PBX4: variants seen among roughly 807,000 people sequenced by gnomAD.
PBX4 encodes the protein pre-B-cell leukemia transcription factor 4.
PBX4 carries 26 observed loss-of-function variants against 35.1 expected under a neutral mutation model. That is an observed-to-expected ratio of 0.74 (90% CI 0.54 to 1.03). The LOEUF (loss-of-function observed/expected upper bound fraction) is 1.03. PBX4 is among the 50% of genes least tolerant of loss of function. PBX4 has a pLI of 0.00. For missense variants in PBX4, 448 were observed against 504.3 expected (o/e 0.89, Z 1.07); for synonymous variants, 199 against 204.2 (o/e 0.97, Z 0.22).
At chr19:19,609,828 GC>G (rs2061653403) in intron 1 of PBX4, among the ~76,000 whole-genome samples, 1 of 152,144 alleles carries the variant, frequency 6.6e-6, no homozygotes, top group East Asian at 1.9e-4. Flanking sequence ...TCCAGCCTGG[GC>G]GACACAGCGA....
chr19:19,594,729 CT>C (rs958881028), intron 2 of PBX4, among the ~76,000 whole-genome samples: 53 of 146,804 alleles, frequency 3.6e-4, no homozygotes, highest in South Asian at 4.3e-4. Context: ...GATTAAAGTA[CT>C]TTTTTTTTTT....
Position 19,618,623 on chromosome 19 carries a change from C to T in PBX4, c.7G>A (p.Ala3Thr). 8.1e-7 allele frequency: 1 copy of T among 1,239,296 alleles called. No individual in the cohort carries two copies. Among genetic ancestry groups the T allele is most frequent in the Non-Finnish European group, 1.0e-6 (1 of 989,668 alleles). 76.8% of individuals were successfully genotyped at this position (1,239,296 alleles called of 1,614,324 possible). MA[A>T]PPRPAPSPPA... is the part of the protein sequence containing the mutation. ...GGCGATGGCGCGGGGCGCGGCGGGG[C>T]GGCCATGAGCGGCAGGGCCGGGCGG... Residue 3 changes from alanine to threonine, a missense_variant, in exon 1 of 8, where the codon GCC (alanine) becomes ACC (threonine). Ala to Thr is a moderately conservative substitution (Grantham distance 58). Coordinates refer to ENST00000251203, the MANE Select transcript of PBX4 (RefSeq NM_025245.3).
chr19:19,589,863 C>A (rs1188163232), intron 2 of PBX4, among the ~76,000 whole-genome samples: 1 of 152,160 alleles, frequency 6.6e-6, no homozygotes, highest in Non-Finnish European at 1.5e-5. Context: ...TTTCTTGATG[C>A]TGGTCTTCCA....
intron 5 of PBX4, 124 bp downstream of exon 5, chr19:19,569,325 G>T: frequency 7.7e-7 from 1 of 1,296,432 alleles, no homozygotes; most frequent in Non-Finnish European, 1.0e-6. Flanking sequence ...CTCCCAAAGT[G>T]CTGGGATTCC....
At chr19:19,605,169 G>C (rs1311474903) in intron 1 of PBX4, among the ~76,000 whole-genome samples, 1 of 151,224 alleles carries the variant, frequency 6.6e-6, no homozygotes, top group Non-Finnish European at 1.5e-5. Context: ...TGGAATCCCA[G>C]CACTTTGAGA....
At chr19:19,617,568 G>C (rs1223664756) in intron 1 of PBX4, among the ~76,000 whole-genome samples, 1 of 152,098 alleles carries the variant, frequency 6.6e-6, no homozygotes, top group East Asian at 1.9e-4. Flanking sequence ...AGAGATGTGA[G>C]CCACTCCACC....
intron 2 of PBX4, among the ~76,000 whole-genome samples, chr19:19,571,134 G>A (rs1379780597): frequency 6.6e-6 from 1 of 152,214 alleles, no homozygotes; most frequent in Non-Finnish European, 1.5e-5. Flanking sequence ...GGGCCAGGCA[G>A]GCGCCTGTTG....
intron 3 of PBX4, 142 bp from the exon 4 acceptor site, chr19:19,570,441 T>C: frequency 2.1e-6 from 3 of 1,437,258 alleles, no homozygotes; most frequent in Non-Finnish European, 2.8e-6. Flanking sequence ...GGAAAGGGCT[T>C]TCAGTAACAA....
At chr19:19,571,610 C>T (rs565668006) in intron 2 of PBX4, among the ~76,000 whole-genome samples, 16 of 152,214 alleles carry the variant, frequency 1.1e-4, no homozygotes, top group South Asian at 2.1e-4. Context: ...TCCTGGGACA[C>T]GGGTGTCAGA....
intron 1 of PBX4, among the ~76,000 whole-genome samples, chr19:19,615,187 A>T (rs1024391598): frequency 1.3e-5 from 2 of 150,552 alleles, no homozygotes; most frequent in African/African-American, 4.9e-5. Context: ...AAAAAAAAAA[A>T]AAAAGAAAGA....
chr19:19,570,501 C>T (rs1398210952), intron 3 of PBX4, 85 bp downstream of exon 3: 7 of 1,562,458 alleles, frequency 4.5e-6, no homozygotes, highest in Non-Finnish European at 5.2e-6. Context: ...TTCTGCGCCA[C>T]GAAAGAAAGG....
intron 2 of PBX4, among the ~76,000 whole-genome samples, chr19:19,594,176 C>T (rs929960179): frequency 2.4e-4 from 37 of 151,512 alleles, no homozygotes; most frequent in African/African-American, 8.0e-4. Flanking sequence ...GAGGCCGAGG[C>T]GGGCGGATCA....
At chr19:19,611,678 C>CA (rs1344348105) in intron 1 of PBX4, among the ~76,000 whole-genome samples, 2,846 of 53,318 alleles carry the variant, frequency 0.053, 59 homozygotes, top group South Asian at 0.15. Flanking sequence ...GATTCTGTCT[C>CA]AAAAAAAAAA....
Position 19,563,810 on chromosome 19 carries a change from T to C in PBX4, c.926-195A>G. 1.9e-6 allele frequency: 1 copy of C among 538,286 alleles called. No individual in the cohort carries two copies. The highest frequency in any genetic ancestry group is 3.4e-6 in the Non-Finnish European group (1 of 298,256). The allele number at this position is 538,286 out of a possible 1,614,324, so 33.3% of individuals were successfully genotyped here. A position where few individuals can be genotyped will look rare whatever the true frequency, so the allele number is the denominator to read the frequency against. On this transcript the variant is annotated intron_variant, in intron 6 of 7. Transcript: ENST00000251203. This position sits in a 1 kb window ranked among gnomAD's most constrained non-coding sequence, Gnocchi z 5.1. ...ACTACTCATGTCCCCTCATGGCTTG[T>C]CTTTTTTTTTTCTTTTTAAGACAGT... is the stretch of plus-strand genomic sequence containing the variant.
chr19:19,601,257 T>C (rs985911131), intron 1 of PBX4, among the ~76,000 whole-genome samples: 2 of 152,192 alleles, frequency 1.3e-5, no homozygotes, highest in Non-Finnish European at 2.9e-5. Context: ...AGGTATGGTT[T>C]AGGCAGAAGA....
In PBX4 at chr19:19,562,837, T is replaced by G. The variant is rs2061316324; in HGVS notation, c.1032+672A>C. On this transcript the variant is annotated intron_variant, in intron 7 of 7. Coordinates refer to ENST00000251203, the MANE Select transcript of PBX4 (RefSeq NM_025245.3). This position sits in a 1 kb window ranked among gnomAD's most constrained non-coding sequence, Gnocchi z 4.8. Reference sequence around the variant, plus strand: ...AGGTGAGGCCCCTCACGTGTGTCCCTGGCTGGGGGCTGCATGGTGATGGGG... The same window carrying G: ...AGGTGAGGCCCCTCACGTGTGTCCCGGGCTGGGGGCTGCATGGTGATGGGG... Among the ~76,000 whole-genome samples, 1 of 152,112 alleles carries G rather than the reference T, an allele frequency of 6.6e-6. No individual in the cohort carries two copies. The highest frequency in any genetic ancestry group is 6.5e-5 in the Admixed American group (1 of 15,280).
At chr19:19,590,439 T>G (rs886411938) in intron 2 of PBX4, among the ~76,000 whole-genome samples, 1 of 152,056 alleles carries the variant, frequency 6.6e-6, no homozygotes, top group Non-Finnish European at 1.5e-5. Context: ...CTCCATTGCA[T>G]GGATGGACCA....
intron 2 of PBX4, among the ~76,000 whole-genome samples, chr19:19,594,231 C>A (rs2061547240): frequency 6.6e-6 from 1 of 151,850 alleles, no homozygotes; most frequent in Non-Finnish European, 1.5e-5. Flanking sequence ...CAGGGTGAAA[C>A]CCTGTCTCTA....
chr19:19,612,838 C>CT (rs11299597), intron 1 of PBX4, among the ~76,000 whole-genome samples: 41 of 147,574 alleles, frequency 2.8e-4, no homozygotes, highest in Admixed American at 5.4e-4. Context: ...CATTTAATTT[C>CT]TTTTTTTTTT....
Sources: allele counts gnomAD v4.1 joint callset (sites outside exome capture counted in the v4.1 genomes callset), GRCh38; gene constraint gnomAD v4.1.1; non-coding constraint Gnocchi (gnomAD v3.1); transcripts MANE v1.5; gene names NCBI Gene and HGNC (gene_info 2026-07-23, HGNC 2026-07-21).